The following UBE2E2 variants were observed in gnomAD, a reference collection of about 807,000 sequenced individuals.
UBE2E2 encodes the protein ubiquitin conjugating enzyme E2 E2.
UBE2E2 carries 6 observed loss-of-function variants against 24.7 expected under a neutral mutation model. That is an observed-to-expected ratio of 0.24 (90% CI 0.13 to 0.48). The LOEUF (loss-of-function observed/expected upper bound fraction) is 0.48. UBE2E2 is among the 20% of genes least tolerant of loss of function. The pLI, the probability that UBE2E2 is intolerant of heterozygous loss-of-function variation, is 0.99. For synonymous variants in UBE2E2, 104 were observed against 83.6 expected, an observed-to-expected ratio of 1.24 and a Z score of -1.33; for missense variants, 169 against 245.0, an observed-to-expected ratio of 0.69 and a Z score of 2.07.
intron 3 of UBE2E2, among the ~76,000 whole-genome samples, chr3:23,314,640 G>C (rs1694522931): frequency 6.6e-6 from 1 of 152,160 alleles, no homozygotes; most frequent in South Asian, 2.1e-4. Context: ...GGACAGGTCT[G>C]GTGTTGATGA....
At chr3:23,578,799 A>G (rs1288375979) in intron 5 of UBE2E2, among the ~76,000 whole-genome samples, 2 of 152,178 alleles carry the variant, frequency 1.3e-5, no homozygotes, top group Non-Finnish European at 2.9e-5. Flanking sequence ...GGGGAGCATC[A>G]GGAAGAATAA....
chr3:23,376,988 C>T (rs1381044983), intron 3 of UBE2E2, among the ~76,000 whole-genome samples: 1 of 152,126 alleles, frequency 6.6e-6, no homozygotes, highest in Non-Finnish European at 1.5e-5. Flanking sequence ...ACATAGCAAA[C>T]TATGTAAGTG....
chr3:23,239,156 TTCTCAACCTCAG>T (rs1697191562), intron 3 of UBE2E2, among the ~76,000 whole-genome samples: 1 of 152,190 alleles, frequency 6.6e-6, no homozygotes, highest in Non-Finnish European at 1.5e-5. Context: ...TAGGACCTCA[TTCTCAACCTCAG>T]TTATGATACC....
intron 3 of UBE2E2, among the ~76,000 whole-genome samples, chr3:23,490,164 G>A (rs759319009): frequency 1.7e-4 from 26 of 152,226 alleles, no homozygotes; most frequent in Non-Finnish European, 3.8e-4. Flanking sequence ...TTGCTTCTGT[G>A]TTATAAAAAA....
intron 3 of UBE2E2, among the ~76,000 whole-genome samples, chr3:23,273,400 G>A (rs1195510874): frequency 2.6e-5 from 4 of 152,068 alleles, no homozygotes; most frequent in Admixed American, 6.5e-5. Flanking sequence ...GCGTGATGGC[G>A]GACGCCTGTA....
chr3:23,428,642 C>CA (rs1037018853), intron 3 of UBE2E2, among the ~76,000 whole-genome samples: 1 of 151,374 alleles, frequency 6.6e-6, no homozygotes, highest in Non-Finnish European at 1.5e-5. Flanking sequence ...AATAAGCCTC[C>CA]AAAAAAAGAG....
intron 3 of UBE2E2, among the ~76,000 whole-genome samples, chr3:23,428,848 G>A (rs974293525): frequency 2.0e-5 from 3 of 147,888 alleles, no homozygotes. Context: ...GATCACTTGA[G>A]CCTGGGAAAT....
intron 3 of UBE2E2, among the ~76,000 whole-genome samples, chr3:23,480,007 T>C (rs576096004): frequency 4.0e-4 from 61 of 152,272 alleles, no homozygotes; most frequent in Non-Finnish European, 5.6e-4. Context: ...GCCCACAGGC[T>C]TCAGGCCATC....
intron 5 of UBE2E2, among the ~76,000 whole-genome samples, chr3:23,533,249 C>G (rs748137312): frequency 2.6e-5 from 4 of 152,140 alleles, no homozygotes; most frequent in Non-Finnish European, 4.4e-5. Context: ...ATAGCCAGGC[C>G]TTTATGGCTT....
At position 23,582,279 on chromosome 3, in the gene UBE2E2, G is replaced by A. The variant is rs188380806; in HGVS notation, c.509-7455G>A. The stretch of plus-strand genomic sequence containing the variant: ...ACATTCTATTGTGTATATATACCAC[G>A]GTTTTTTTCTTTATCTAGATAGTCT... On this transcript the variant is annotated intron_variant, in intron 5 of 5. Coordinates refer to ENST00000396703, the MANE Select transcript of UBE2E2 (RefSeq NM_152653.4). 1.6e-4 allele frequency among the ~76,000 whole-genome samples: 24 copies of A among 151,880 alleles called. No individual in the cohort carries two copies. The South Asian group carries it at 2.1e-3, about 13-fold the overall frequency.
chr3:23,380,849 T>G (rs1054783488), intron 3 of UBE2E2, among the ~76,000 whole-genome samples: 1 of 152,196 alleles, frequency 6.6e-6, no homozygotes, highest in African/African-American at 2.4e-5. Flanking sequence ...AAGCACTTTA[T>G]GTAAAACAAT....
At chr3:23,522,574 A>C (rs1342471061) in intron 4 of UBE2E2, among the ~76,000 whole-genome samples, 1 of 151,858 alleles carries the variant, frequency 6.6e-6, no homozygotes, top group Non-Finnish European at 1.5e-5. Context: ...GAACCCCTCC[A>C]CTTTTTTTTA....
intron 3 of UBE2E2, among the ~76,000 whole-genome samples, chr3:23,490,210 C>T (rs914993765): frequency 1.3e-5 from 2 of 152,106 alleles, no homozygotes; most frequent in South Asian, 2.1e-4. Context: ...TCTTTATAAT[C>T]ATAACCTATT....
intron 5 of UBE2E2, among the ~76,000 whole-genome samples, chr3:23,587,869 G>A (rs923705660): frequency 6.6e-6 from 1 of 152,164 alleles, no homozygotes; most frequent in Non-Finnish European, 1.5e-5. Context: ...AGAGGCAAAC[G>A]TTTCGAACAA....
chr3:23,529,085 C>G (rs1020762069), intron 4 of UBE2E2, among the ~76,000 whole-genome samples: 5 of 152,130 alleles, frequency 3.3e-5, no homozygotes, highest in Non-Finnish European at 7.3e-5. Context: ...ATATAGCGTT[C>G]TTGAAATGAC....
intron 3 of UBE2E2, among the ~76,000 whole-genome samples, chr3:23,317,527 A>G (rs960062826): frequency 6.6e-6 from 1 of 152,206 alleles, no homozygotes; most frequent in Non-Finnish European, 1.5e-5. Context: ...GGTGATTTAT[A>G]CAGGATAAAG....
chr3:23,346,335 T>C (rs1156921946), intron 3 of UBE2E2, among the ~76,000 whole-genome samples: 4 of 152,206 alleles, frequency 2.6e-5, no homozygotes. Context: ...TAGTACCTTT[T>C]ATCTCTAGTC....
intron 3 of UBE2E2, among the ~76,000 whole-genome samples, chr3:23,241,348 A>T (rs922713826): frequency 6.6e-6 from 1 of 152,036 alleles, no homozygotes; most frequent in African/African-American, 2.4e-5. Context: ...CCTTCCTTCT[A>T]TATAGTCTAT....
intron 3 of UBE2E2, among the ~76,000 whole-genome samples, chr3:23,218,680 C>T (rs534346757): frequency 4.6e-5 from 7 of 152,042 alleles, no homozygotes; most frequent in Non-Finnish European, 1.0e-4. Context: ...CCCCAATCAC[C>T]GGCAAAATAA....
Sources: allele counts gnomAD v4.1 joint callset (sites outside exome capture counted in the v4.1 genomes callset), GRCh38; gene constraint gnomAD v4.1.1; transcripts MANE v1.5; gene names NCBI Gene and HGNC (gene_info 2026-07-23, HGNC 2026-07-21).